AFF3: variants seen among roughly 807,000 people sequenced by gnomAD.
The protein encoded by AFF3 is ALF transcription elongation factor 3.
A neutral mutation model predicts 129.7 loss-of-function variants in AFF3; 32 were observed. The ratio of observed to expected loss-of-function variants is 0.25; its 90% CI spans 0.19 to 0.33. AFF3 has a LOEUF of 0.33. Ranked by LOEUF, AFF3 falls within the 10% of genes least tolerant of loss-of-function variation. The pLI is 1.00. For synonymous variants in AFF3, 644 were observed against 635.4 expected, an observed-to-expected ratio of 1.01 and a Z score of -0.20; for missense variants, 1,373 against 1,592.0, an observed-to-expected ratio of 0.86 and a Z score of 2.34.
intron 11 of AFF3, among the ~76,000 whole-genome samples, chr2:99,723,029 G>GT (rs1679043011): frequency 6.6e-6 from 1 of 152,134 alleles, no homozygotes; most frequent in South Asian, 2.1e-4. Flanking sequence ...ACTATGAATA[G>GT]TTTTTTTAAC....
intron 8 of AFF3, among the ~76,000 whole-genome samples, chr2:99,778,001 C>A (rs369643843): frequency 1.4e-5 from 2 of 142,382 alleles, no homozygotes; most frequent in East Asian, 2.2e-4. Flanking sequence ...CCAGCACTAT[C>A]AGTTCAAATG....
At chr2:99,801,831 ATT>A in intron 8 of AFF3, among the ~76,000 whole-genome samples, 1 of 152,200 alleles carries the variant, frequency 6.6e-6, no homozygotes, top group African/African-American at 2.4e-5. Flanking sequence ...TGGGGTCTCT[ATT>A]ATTTCAAGTC....
At chr2:99,583,183 CTCTT>C (rs1346276003) in intron 16 of AFF3, among the ~76,000 whole-genome samples, 184 bp from the exon 17 acceptor site, 1 of 152,152 alleles carries the variant, frequency 6.6e-6, no homozygotes, top group Non-Finnish European at 1.5e-5. Flanking sequence ...ATCTCACTCA[CTCTT>C]TCTTTTCTCT....
chr2:99,865,768 A>G (rs956126073), intron 7 of AFF3, among the ~76,000 whole-genome samples: 2 of 152,242 alleles, frequency 1.3e-5, no homozygotes, highest in Non-Finnish European at 2.9e-5. Context: ...TTCAAAGAAG[A>G]GGAATACAGG....
rs1261985100 is a variant in AFF3, at chr2:100,126,658, A to ATT, written c.-145+2564_-145+2565dup. Among the ~76,000 whole-genome samples the ATT allele has an allele frequency of 2.6e-5, 4 of 152,310 alleles. No homozygotes were observed. The East Asian group carries it at 7.7e-4, about 29-fold the overall frequency. ...TCACTAATCTTTAATACTTGTCATA[A>ATT]TTATTTTTCTTTCAATAATACTATT... On this transcript the variant is annotated intron_variant, in intron 2 of 24. Coordinates refer to ENST00000672756, the MANE Select transcript of AFF3 (RefSeq NM_001386135.1).
chr2:99,725,344 A>C (rs188496782), intron 11 of AFF3, among the ~76,000 whole-genome samples: 63 of 151,272 alleles, frequency 4.2e-4, no homozygotes, highest in Admixed American at 3.7e-3. Context: ...TTTAGGCAAT[A>C]AACTTTTTAT....
At position 100,070,553 on chromosome 2, in the gene AFF3, A is replaced by G. The variant is rs190136657; in HGVS notation, c.53+33849T>C. Among the ~76,000 whole-genome samples, 4 of 152,380 alleles carry G rather than the reference A, an allele frequency of 2.6e-5. No individual in the cohort carries two copies. The East Asian group carries it at 7.7e-4, about 29-fold the overall frequency. On this transcript the variant is annotated intron_variant, in intron 4 of 24. Transcript: ENST00000672756. ...TAGTTTATTCTACAGACATGCTCTT[A>G]GAAAGTTATAAGTTGAATTCTAATC...
At chr2:99,848,586 T>A (rs137996303) in intron 7 of AFF3, among the ~76,000 whole-genome samples, 2 of 152,138 alleles carry the variant, frequency 1.3e-5, no homozygotes, top group East Asian at 1.9e-4. Flanking sequence ...TAAAATAAAT[T>A]AATTAAAAAG....
intron 7 of AFF3, among the ~76,000 whole-genome samples, chr2:99,844,686 C>T (rs559973294): frequency 4.8e-4 from 73 of 151,918 alleles, no homozygotes; most frequent in Non-Finnish European, 9.3e-4. Context: ...CTGCCCACCT[C>T]GGCCTCCCAA....
intron 4 of AFF3, chr2:100,011,365 G>A (rs1353891913): frequency 1.4e-6 from 1 of 733,266 alleles, no homozygotes; most frequent in Non-Finnish European, 2.5e-6. Context: ...GCTGCCCTCA[G>A]TCAGGTCAAC....
At chr2:100,003,456 G>A (rs898122582) in intron 7 of AFF3, among the ~76,000 whole-genome samples, 2 of 152,150 alleles carry the variant, frequency 1.3e-5, no homozygotes, top group Admixed American at 6.5e-5. Context: ...TTTCCAAGGG[G>A]CACTCCCAGG....
chr2:99,657,229 T>C (rs960104904), intron 12 of AFF3, among the ~76,000 whole-genome samples: 3 of 152,204 alleles, frequency 2.0e-5, no homozygotes, highest in African/African-American at 7.2e-5. Flanking sequence ...GATGCTTGTG[T>C]GATTTTCTGG....
At chr2:99,799,549 T>C (rs758375659) in intron 8 of AFF3, among the ~76,000 whole-genome samples, 10 of 152,236 alleles carry the variant, frequency 6.6e-5, no homozygotes, top group South Asian at 2.1e-4. Context: ...TCTTTCTAAA[T>C]TCATTTGTAG....
chr2:99,652,535 T>G (rs916943391), intron 12 of AFF3, among the ~76,000 whole-genome samples: 8 of 152,070 alleles, frequency 5.3e-5, no homozygotes, highest in African/African-American at 1.9e-4. Flanking sequence ...CTCCAGGGCC[T>G]GGCAAAGATA....
At chr2:100,032,682 AT>A (rs1408555233) in intron 4 of AFF3, among the ~76,000 whole-genome samples, 1 of 152,172 alleles carries the variant, frequency 6.6e-6, no homozygotes, top group African/African-American at 2.4e-5. Flanking sequence ...TAAACAGATC[AT>A]TATTTTCCCA....
At chr2:99,900,652 G>C (rs545980452) in intron 7 of AFF3, among the ~76,000 whole-genome samples, 33 of 152,252 alleles carry the variant, frequency 2.2e-4, no homozygotes, top group Admixed American at 2.1e-3. Context: ...GGACACAGTG[G>C]GCCCTGGATA....
At chr2:99,562,749 C>T (rs1372533224) in intron 20 of AFF3, among the ~76,000 whole-genome samples, 2 of 152,134 alleles carry the variant, frequency 1.3e-5, no homozygotes, top group Non-Finnish European at 2.9e-5. Context: ...GGTTAGGAGA[C>T]TCTTGAGTCC....
intron 13 of AFF3, among the ~76,000 whole-genome samples, chr2:99,619,070 G>C (rs1265889553): frequency 1.3e-5 from 2 of 152,194 alleles, no homozygotes; most frequent in Admixed American, 1.3e-4. Flanking sequence ...TTTTGAACAA[G>C]GTCAAAGGAA....
At chr2:99,716,693 C>T (rs1302137191) in intron 11 of AFF3, among the ~76,000 whole-genome samples, 1 of 151,716 alleles carries the variant, frequency 6.6e-6, no homozygotes, top group Non-Finnish European at 1.5e-5. Flanking sequence ...CCAGCCTGGC[C>T]AACATGGTGA....
Sources: allele counts gnomAD v4.1 joint callset (sites outside exome capture counted in the v4.1 genomes callset), GRCh38; gene constraint gnomAD v4.1.1; transcripts MANE v1.5; gene names NCBI Gene and HGNC (gene_info 2026-07-23, HGNC 2026-07-21).